Variants in SORCS1 observed in about 807,000 individuals in gnomAD.
SORCS1 encodes the protein VPS10 domain-containing receptor SorCS1.
In SORCS1, 60 loss-of-function variants were observed where a neutral mutation model predicts 146.1. The observed-to-expected ratio is 0.41, with a 90% CI of 0.33 to 0.51. The LOEUF (loss-of-function observed/expected upper bound fraction) is 0.51. SORCS1 is among the 20% of genes least tolerant of loss of function. The pLI is 0.21. For missense variants in SORCS1, 1,352 were observed against 1,487.6 expected (o/e 0.91, Z 1.50); for synonymous variants, 637 against 584.0 (o/e 1.09, Z -1.31).
At chr10:106,978,629 C>T (rs1956131988) in intron 1 of SORCS1, among the ~76,000 whole-genome samples, 1 of 152,078 alleles carries the variant, frequency 6.6e-6, no homozygotes, top group Non-Finnish European at 1.5e-5. Context: ...GAAACCCCGT[C>T]TCTGCTAAAA....
intron 2 of SORCS1, among the ~76,000 whole-genome samples, chr10:106,954,804 C>G (rs540850105): frequency 6.6e-6 from 1 of 152,106 alleles, no homozygotes; most frequent in Non-Finnish European, 1.5e-5. Flanking sequence ...AAACCCTGCC[C>G]TCAGCCACAC....
In SORCS1 at chr10:106,584,651, A is replaced by T. The variant is rs141369911; in HGVS notation, c.3266-5177T>A. 3.9e-5 allele frequency among the ~76,000 whole-genome samples: 6 copies of T among 152,322 alleles called. No individual in the cohort carries two copies. In the East Asian group the frequency reaches 1.2e-3, roughly 29 times the overall value. ...AGCCTCATGCCTTTTAGGGAGCCCT[A>T]AATCAACTGTGGTCTAGTGCTAACT... On this transcript the variant is annotated intron_variant, in intron 24 of 25. Transcript: ENST00000263054.
At chr10:107,065,917 TC>T (rs1197302834) in intron 1 of SORCS1, among the ~76,000 whole-genome samples, 2 of 152,166 alleles carry the variant, frequency 1.3e-5, no homozygotes, top group East Asian at 3.8e-4. Context: ...AGGCTCAAGC[TC>T]CCAAGCTCAG....
the SORCS1 span, among the ~76,000 whole-genome samples, chr10:107,170,955 C>T: frequency 6.6e-6 from 1 of 152,196 alleles, no homozygotes; most frequent in Non-Finnish European, 1.5e-5. Context: ...GCATGTCACT[C>T]ACTAACTGTA....
intron 1 of SORCS1, among the ~76,000 whole-genome samples, chr10:107,116,586 G>A (rs557873700): frequency 7.2e-5 from 11 of 152,178 alleles, no homozygotes; most frequent in East Asian, 1.9e-4. Context: ...GGCAAATACC[G>A]TATAATTTCA....
chr10:107,125,073 C>G (rs976218705), intron 1 of SORCS1, among the ~76,000 whole-genome samples: 6 of 151,606 alleles, frequency 4.0e-5, no homozygotes, highest in Non-Finnish European at 1.5e-5. Flanking sequence ...CTGCCTCCGC[C>G]TCCCAAGCAG....
chr10:106,982,608 C>T (rs1050354440), intron 1 of SORCS1, among the ~76,000 whole-genome samples: 1 of 152,154 alleles, frequency 6.6e-6, no homozygotes, highest in African/African-American at 2.4e-5. Context: ...CTTTTCAAGG[C>T]ATTCAACCGT....
chr10:106,780,169 A>G (rs952080435), intron 3 of SORCS1, among the ~76,000 whole-genome samples: 8 of 152,226 alleles, frequency 5.3e-5, no homozygotes, highest in Non-Finnish European at 4.4e-5. Context: ...GATATTGTTC[A>G]TAAATGAATA....
At chr10:106,767,278 G>A (rs1589833960) in intron 4 of SORCS1, among the ~76,000 whole-genome samples, 1 of 152,104 alleles carries the variant, frequency 6.6e-6, no homozygotes, top group South Asian at 2.1e-4. Flanking sequence ...TTCCCCAGCT[G>A]TCACTGAAGT....
chr10:106,742,142 A>G (rs1857408813), intron 5 of SORCS1, among the ~76,000 whole-genome samples: 1 of 152,116 alleles, frequency 6.6e-6, no homozygotes, highest in Non-Finnish European at 1.5e-5. Flanking sequence ...AATTAGATTG[A>G]TCTTCATTGG....
the SORCS1 span, among the ~76,000 whole-genome samples, chr10:107,171,697 G>A: frequency 2.6e-5 from 4 of 151,870 alleles, no homozygotes; most frequent in African/African-American, 9.7e-5. Context: ...TGTAGTTTTA[G>A]TAGAGACGGG....
intron 18 of SORCS1, among the ~76,000 whole-genome samples, chr10:106,635,243 T>C (rs1228162524): frequency 1.3e-5 from 2 of 152,176 alleles, no homozygotes; most frequent in East Asian, 3.8e-4. Flanking sequence ...AGATGTCCCT[T>C]AAGGCATCAG....
At chr10:106,607,469 G>T (rs2133385271) in intron 22 of SORCS1, among the ~76,000 whole-genome samples, 172 bp from the exon 23 acceptor site, 1 of 152,294 alleles carries the variant, frequency 6.6e-6, no homozygotes, top group Admixed American at 6.5e-5. Context: ...TGGGCTATTA[G>T]GTCCAGGCTC....
chr10:106,964,128 G>A (rs1170440496), intron 1 of SORCS1, among the ~76,000 whole-genome samples: 1 of 152,154 alleles, frequency 6.6e-6, no homozygotes, highest in African/African-American at 2.4e-5. Flanking sequence ...TTAAGAAAAG[G>A]TCAAGTCTTC....
intron 2 of SORCS1, among the ~76,000 whole-genome samples, chr10:106,835,171 C>A (rs1170641561): frequency 6.6e-6 from 1 of 152,134 alleles, no homozygotes; most frequent in African/African-American, 2.4e-5. Context: ...AATCTCCTAT[C>A]ACGCTTGAAA....
At chr10:106,597,317 C>A (rs1376390323) in intron 24 of SORCS1, 34 bp downstream of exon 24, 1 of 1,577,894 alleles carries the variant, frequency 6.3e-7, no homozygotes, top group Non-Finnish European at 8.7e-7. Flanking sequence ...TTTGCCAGAG[C>A]CACCAGCCAG....
rs778467843 is a variant in SORCS1 at position 107,163,984 on chromosome 10, A to T, written c.543T>A (p.Ser181=). Reference sequence around the variant, plus strand: ...TTCTACTCACGCTGCTGTTGTGGCCAGACCAGTGGACCATGGCTTGGTTGT... The same window carrying T: ...TTCTACTCACGCTGCTGTTGTGGCCTGACCAGTGGACCATGGCTTGGTTGT... ...SAHNQAMVHW[S]GHNSSVILIL... Residue 181 remains serine (S), a synonymous_variant, in exon 1 of 26, where the codon TCT becomes TCA. Transcript: ENST00000263054. The T allele has an allele frequency of 4.3e-6, 7 of 1,613,520 alleles. No individual in the cohort carries two copies. Among genetic ancestry groups the T allele is most frequent in the Non-Finnish European group, 5.9e-6 (7 of 1,179,644 alleles).
chr10:106,936,484 G>A (rs1354903710), intron 2 of SORCS1, among the ~76,000 whole-genome samples: 1 of 152,178 alleles, frequency 6.6e-6, no homozygotes, highest in East Asian at 1.9e-4. Context: ...ATCAAGCAGA[G>A]AAGAATGTAT....
chr10:106,806,193 C>T lies in SORCS1; in HGVS notation c.726+23381G>A, dbSNP rs185187594. 3.4e-3 allele frequency among the ~76,000 whole-genome samples: 506 copies of T among 150,968 alleles called. 3 individuals carry two copies. Among genetic ancestry groups the T allele is most frequent in the Non-Finnish European group, 3.8e-3 (260 of 67,840 alleles). ...GATCATCCTGGCCAACATGGTGAAACCCCGTCTCTACTAAAAATGCAAAAA... is the reference window on the plus strand; with the variant it reads ...GATCATCCTGGCCAACATGGTGAAATCCCGTCTCTACTAAAAATGCAAAAA... On this transcript the variant is annotated intron_variant, in intron 3 of 25. Coordinates refer to ENST00000263054, the MANE Select transcript of SORCS1 (RefSeq NM_052918.5).
Sources: allele counts gnomAD v4.1 joint callset (sites outside exome capture counted in the v4.1 genomes callset), GRCh38; gene constraint gnomAD v4.1.1; transcripts MANE v1.5; gene names NCBI Gene and HGNC (gene_info 2026-07-23, HGNC 2026-07-21).